The following FAM227A variants were observed in gnomAD, a reference collection of about 807,000 sequenced individuals.
FAM227A encodes protein FAM227A.
In FAM227A, 80 loss-of-function variants were observed where a neutral mutation model predicts 74.7. The observed-to-expected ratio is 1.07, with a 90% CI of 0.89 to 1.29. FAM227A has a LOEUF of 1.29. FAM227A is among the 50% of genes most tolerant of loss of function. The pLI, the probability that FAM227A is intolerant of heterozygous loss-of-function variation, is 0.00. For synonymous variants in FAM227A, 237 were observed against 241.8 expected (o/e 0.98, Z 0.19); for missense variants, 654 against 683.4 (o/e 0.96, Z 0.48).
chr22:38,623,113 A>T, intron 10 of FAM227A, 59 bp downstream of exon 10: 2 of 1,171,418 alleles, frequency 1.7e-6, no homozygotes, highest in Non-Finnish European at 2.5e-6. Context: ...TCCCTCAGTT[A>T]GATAGTGGTT....
intron 11 of FAM227A, among the ~76,000 whole-genome samples, chr22:38,611,548 G>C (rs761876513): frequency 3.9e-5 from 6 of 152,130 alleles, no homozygotes; most frequent in African/African-American, 7.2e-5. Context: ...CCCCTAGATT[G>C]AATCTATAAG....
intron 8 of FAM227A, among the ~76,000 whole-genome samples, chr22:38,626,865 C>CA (rs67498232): frequency 0.031 from 513 of 16,794 alleles, 83 homozygotes; most frequent in South Asian, 0.051. Context: ...GACTCTGTCT[C>CA]AAAAAAAAAA....
At chr22:38,623,059 C>T (rs376040628) in intron 10 of FAM227A, 113 bp downstream of exon 10, 7 of 725,204 alleles carry the variant, frequency 9.7e-6, no homozygotes, top group East Asian at 5.5e-5. Flanking sequence ...TGGGGGTACC[C>T]GAGAGAGAAC....
At position 38,579,684 on chromosome 22, in the gene FAM227A, C is replaced by T. The variant is rs891998710; in HGVS notation, c.*6441G>A. On this transcript the variant is annotated 3_prime_UTR_variant, in exon 17 of 17. Coordinates refer to ENST00000535113, the MANE Select transcript of FAM227A (RefSeq NM_001013647.2). ...CTATACCTCCATCCACTTTCTCTCT[C>T]CCATATTATTTGAGTACAAATTCCA... 1.3e-5 allele frequency: 2 copies of T among 152,132 alleles called. No homozygotes were observed. The highest frequency in any genetic ancestry group is 2.4e-5 in the African/African-American group (1 of 41,438). The allele number at this position is 152,132 out of a possible 1,614,324, so 9.4% of individuals were successfully genotyped here. A position where few individuals can be genotyped will look rare whatever the true frequency, so the allele number is the denominator to read the frequency against.
chr22:38,621,434 G>GT (rs1310151131), intron 10 of FAM227A, among the ~76,000 whole-genome samples: 7 of 151,128 alleles, frequency 4.6e-5, no homozygotes, highest in Non-Finnish European at 7.4e-5. Flanking sequence ...CAGGGAAATC[G>GT]TATCTATGAA....
intron 11 of FAM227A, among the ~76,000 whole-genome samples, chr22:38,608,901 T>C (rs1389590889): frequency 6.7e-6 from 1 of 149,190 alleles, no homozygotes; most frequent in African/African-American, 2.5e-5. Flanking sequence ...GTTCAAGTGA[T>C]ACTCCTGCCT....
At position 38,585,852 on chromosome 22, in the gene FAM227A, G is replaced by A; in HGVS notation, c.*273C>T. 3.0e-6 allele frequency: 2 copies of A among 665,626 alleles called. No individual in the cohort carries two copies. The highest frequency in any genetic ancestry group is 2.4e-5 in the South Asian group (1 of 40,878). The allele number at this position is 665,626 out of a possible 1,614,324, so 41.2% of individuals were successfully genotyped here. A position where few individuals can be genotyped will look rare whatever the true frequency, so the allele number is the denominator to read the frequency against. On this transcript the variant is annotated 3_prime_UTR_variant, in exon 17 of 17. Transcript: ENST00000535113. ...GTATGAAAGTTTTACCTTTGTATGAGGTCATATTTGTAACATACTTACCAG... is the reference window on the plus strand; with the variant it reads ...GTATGAAAGTTTTACCTTTGTATGAAGTCATATTTGTAACATACTTACCAG...
At chr22:38,626,851 G>A (rs2091811785) in intron 8 of FAM227A, among the ~76,000 whole-genome samples, 1 of 97,714 alleles carries the variant, frequency 1.0e-5, no homozygotes, top group Non-Finnish European at 1.8e-5. Context: ...CTGGGCGACA[G>A]AGAGACTCTG....
chr22:38,632,310 G>T (rs182476750), intron 6 of FAM227A, among the ~76,000 whole-genome samples: 1 of 152,318 alleles, frequency 6.6e-6, no homozygotes, highest in Non-Finnish European at 1.5e-5. Context: ...CAGTGCAACA[G>T]TGTTGGAAGC....
At chr22:38,610,868 T>G (rs1647250615) in intron 11 of FAM227A, among the ~76,000 whole-genome samples, 1 of 152,072 alleles carries the variant, frequency 6.6e-6, no homozygotes, top group Non-Finnish European at 1.5e-5. Context: ...GAGACCAGCC[T>G]GGCCAATATG....
At chr22:38,598,042 C>CAA (rs59018974) in intron 14 of FAM227A, among the ~76,000 whole-genome samples, 5 of 83,798 alleles carry the variant, frequency 6.0e-5, no homozygotes, top group Middle Eastern at 7.0e-3. Context: ...GACTCTGTCT[C>CAA]AAAAAAAAAA....
chr22:38,606,456 C>A (rs1328671019), intron 12 of FAM227A, among the ~76,000 whole-genome samples: 3 of 152,124 alleles, frequency 2.0e-5, no homozygotes, highest in Non-Finnish European at 2.9e-5. Context: ...CTGTAATGTA[C>A]GCAACTAATC....
chr22:38,603,082 A>G (rs946670339), intron 13 of FAM227A, among the ~76,000 whole-genome samples: 3 of 152,058 alleles, frequency 2.0e-5, no homozygotes, highest in African/African-American at 7.2e-5. Context: ...CCATGTTGGC[A>G]AGGCTGGTCT....
At chr22:38,652,876 CAAAA>C (rs10554372) in intron 1 of FAM227A, among the ~76,000 whole-genome samples, 6 of 90,386 alleles carry the variant, frequency 6.6e-5, no homozygotes, top group East Asian at 3.0e-4. Context: ...GACTCCATCT[CAAAA>C]AAAAAAAAAA....
chr22:38,617,615 AT>A (rs1049184354), intron 11 of FAM227A, among the ~76,000 whole-genome samples: 29 of 152,246 alleles, frequency 1.9e-4, no homozygotes, highest in African/African-American at 6.5e-4. Flanking sequence ...GTCTTAATGA[AT>A]TAAGCCTCCA....
rs577943595 is a variant in FAM227A, at chr22:38,616,846, G to T, written c.1038+3366C>A. On this transcript the variant is annotated intron_variant, in intron 11 of 16. Coordinates refer to ENST00000535113, the MANE Select transcript of FAM227A (RefSeq NM_001013647.2). ...GGGCATCTCTACTTGGGAAGCTGAG[G>T]GCCAAGGTTCAGAACACAGGCTGGG... 4.6e-5 allele frequency among the ~76,000 whole-genome samples: 7 copies of T among 152,032 alleles called. No homozygotes were observed. In the East Asian group the frequency reaches 1.4e-3, roughly 29 times the overall value.
At chr22:38,627,050 T>C (rs1454016160) in intron 8 of FAM227A, among the ~76,000 whole-genome samples, 1 of 150,144 alleles carries the variant, frequency 6.7e-6, no homozygotes, top group African/African-American at 2.4e-5. Context: ...TGAGTTATGA[T>C]TGCACCACCC....
At chr22:38,623,995 A>T (rs2091745243) in intron 9 of FAM227A, among the ~76,000 whole-genome samples, 1 of 152,210 alleles carries the variant, frequency 6.6e-6, no homozygotes, top group Non-Finnish European at 1.5e-5. Context: ...TGGGGTAAGA[A>T]GGTGTAGCCT....
At chr22:38,644,607 T>G (rs984792341) in intron 3 of FAM227A, among the ~76,000 whole-genome samples, 5 of 151,270 alleles carry the variant, frequency 3.3e-5, no homozygotes, top group African/African-American at 1.2e-4. Flanking sequence ...ACACCAAGAA[T>G]CCTATTGTAA....
Sources: allele counts gnomAD v4.1 joint callset (sites outside exome capture counted in the v4.1 genomes callset), GRCh38; gene constraint gnomAD v4.1.1; transcripts MANE v1.5; gene names NCBI Gene and HGNC (gene_info 2026-07-23, HGNC 2026-07-21).